PSKH1: variants seen among roughly 807,000 people sequenced by gnomAD.
PSKH1 encodes the protein protein serine kinase H1, also known as serine/threonine-protein kinase H1.
PSKH1 carries 12 observed loss-of-function variants against 26.7 expected under a neutral mutation model. That is an observed-to-expected ratio of 0.45 (90% confidence interval 0.29 to 0.73). The LOEUF (loss-of-function observed/expected upper bound fraction) is 0.73, where lower values mean the gene tolerates loss of function less well. Among genes scored for constraint, PSKH1 ranks in the 30% least tolerant of loss-of-function variants. The pLI is 0.11. For missense variants in PSKH1, 431 were observed against 595.2 expected (o/e 0.72, Z 2.87); for synonymous variants, 213 against 234.3 (o/e 0.91, Z 0.83).
At position 67,902,270 on chromosome 16, in the gene PSKH1, AAAG is replaced by A. The variant is rs544603646; in HGVS notation, c.-70-6407_-70-6405del. Among the ~76,000 whole-genome samples, 626 of 152,074 alleles carry A rather than the reference AAAG, an allele frequency of 4.1e-3. 11 individuals are homozygous for A. The highest frequency in any genetic ancestry group is 0.015 in the African/African-American group (610 of 41,432). On this transcript the variant is annotated intron_variant, in intron 1 of 2. Transcript: ENST00000291041. ...GCGAGACTCCATCTCAAAAAAAAAA[AAAG>A]AAATAAAAATGAATCGAAAAGTTAG... is the stretch of plus-strand genomic sequence containing the variant.
chr16:67,926,361 A>T (rs2058216374), intron 2 of PSKH1, among the ~76,000 whole-genome samples: 1 of 152,214 alleles, frequency 6.6e-6, no homozygotes, highest in Admixed American at 6.5e-5. Context: ...AGCACCAGGC[A>T]CGGGCTCATC....
rs144509198 is a variant in PSKH1, at chr16:67,908,946, C to T, written c.197C>T (p.Pro66Leu). The change falls in exon 2 of 3, where the codon CCG (proline) becomes CTG (leucine). Residue 66 changes from proline to leucine, a missense_variant. By Grantham distance (98) the Pro-to-Leu change is moderately conservative. Transcript: ENST00000291041. Reference protein sequence around the residue: ...SQYAHPCPGPPTAGHTEPPSE... With the variant: ...SQYAHPCPGPLTAGHTEPPSE... ...TATGCACACCCCTGCCCCGGTCCCC[C>T]GACTGCTGGCCACACGGAGCCTCCC... 2.5e-4 allele frequency: 397 copies of T among 1,613,730 alleles called. 1 individual carries two copies. The highest frequency in any genetic ancestry group is 3.2e-4 in the Non-Finnish European group (372 of 1,179,846).
intron 1 of PSKH1, chr16:67,903,105 T>C (rs1231841693): frequency 6.6e-6 from 1 of 152,196 alleles, no homozygotes; most frequent in Non-Finnish European, 1.5e-5. Flanking sequence ...GAGGAATCTT[T>C]TCCTCTTATG....
Position 67,909,608 on chromosome 16 carries a change from G to A in PSKH1, c.859G>A (p.Ala287Thr). 6.2e-7 allele frequency: 1 copy of A among 1,614,000 alleles called. No individual in the cohort carries two copies. The highest frequency in any genetic ancestry group is 1.1e-5 in the South Asian group (1 of 91,086). Residue 287 changes from alanine to threonine, a missense_variant, in exon 2 of 3, where the codon GCC (alanine) becomes ACC (threonine). Coordinates refer to ENST00000291041, the MANE Select transcript of PSKH1 (RefSeq NM_006742.3). The surrounding 1 kb of genome is among the most constrained non-coding windows in gnomAD (Gnocchi z 7.8). ...SVDMWALGVI[A>T]YILLSGTMPF... ...GGACATGTGGGCGCTGGGCGTCATT[G>A]CCTACATCCTACTCAGTGGCACCAT...
intron 1 of PSKH1, among the ~76,000 whole-genome samples, chr16:67,895,424 T>TC (rs57210619): frequency 2.0e-5 from 3 of 151,446 alleles, no homozygotes; most frequent in African/African-American, 7.3e-5. Context: ...TTTTTTTTTT[T>TC]CTGAGATGGA....
In PSKH1 at chr16:67,909,785, G is replaced by A. The variant is rs773157509; in HGVS notation, c.957+79G>A. The A allele has an allele frequency of 2.8e-5, 37 of 1,343,362 alleles. No individual in the cohort carries two copies. The Admixed American group carries it at 6.0e-4, about 22-fold the overall frequency. 83.2% of individuals were successfully genotyped at this position (1,343,362 alleles called of 1,614,324 possible). A position where few individuals can be genotyped will look rare whatever the true frequency, so the allele number is the denominator to read the frequency against. ...GTATATCCTGCAGCTCTCAGTCAGA[G>A]GTATGTCCTCAGGGCCATGCTCGTG... is the stretch of plus-strand genomic sequence containing the variant. On this transcript the variant is annotated intron_variant, in intron 2 of 2. Transcript: ENST00000291041. This position sits in a 1 kb window ranked among gnomAD's most constrained non-coding sequence, Gnocchi z 7.8.
In PSKH1 at chr16:67,924,568, A is replaced by C. The variant is rs529317452; in HGVS notation, c.958-2757A>C. Among the ~76,000 whole-genome samples the C allele has an allele frequency of 5.9e-5, 9 of 152,334 alleles. No homozygotes were observed. The South Asian group carries it at 1.7e-3, about 28-fold the overall frequency. ...TGTGAAGTGGTGAAACCTCCAGTCC[A>C]TCCATGTTCAGGCTCCTGGCCTCTG... On this transcript the variant is annotated intron_variant, in intron 2 of 2. Transcript: ENST00000291041.
At chr16:67,910,115 T>C in intron 2 of PSKH1, 1 of 368,566 alleles carries the variant, frequency 2.7e-6, no homozygotes, top group East Asian at 4.1e-5. Context: ...GTTTTTTTTT[T>C]AATCCACTGA....
intron 1 of PSKH1, among the ~76,000 whole-genome samples, chr16:67,901,201 G>T (rs1195461558): frequency 6.6e-6 from 1 of 152,058 alleles, no homozygotes; most frequent in East Asian, 1.9e-4. Flanking sequence ...GGATGGTGGA[G>T]TACCCGCATC....
In PSKH1 at chr16:67,908,737, C is replaced by G. The variant is rs1434752154; in HGVS notation, c.-13C>G. ...CTGCCAGCCTCGCTGGAGAGGATGC[C>G]CTCGTGTCCGTGATGGGCTGTGGGA... On this transcript the variant is annotated 5_prime_UTR_variant, in exon 2 of 3. Transcript: ENST00000291041. 2.6e-6 allele frequency: 4 copies of G among 1,562,978 alleles called. No homozygotes were observed. The highest frequency in any genetic ancestry group is 3.5e-6 in the Non-Finnish European group (4 of 1,150,548).
At chr16:67,913,259 G>A (rs1481555983) in intron 2 of PSKH1, among the ~76,000 whole-genome samples, 5 of 150,852 alleles carry the variant, frequency 3.3e-5, no homozygotes, top group Middle Eastern at 3.4e-3. Flanking sequence ...TGATTCTCCC[G>A]CCTCAGCCTC....
chr16:67,920,079 G>A (rs991673735), intron 2 of PSKH1, among the ~76,000 whole-genome samples: 1 of 152,130 alleles, frequency 6.6e-6, no homozygotes, highest in African/African-American at 2.4e-5. Flanking sequence ...GCAGGGTGTG[G>A]TGGCTTGCAC....
chr16:67,925,842 G>A (rs937483371), intron 2 of PSKH1, among the ~76,000 whole-genome samples: 2 of 152,152 alleles, frequency 1.3e-5, no homozygotes, highest in African/African-American at 2.4e-5. Context: ...CGGTGGAAGC[G>A]TGTTCTCCCT....
intron 1 of PSKH1, among the ~76,000 whole-genome samples, chr16:67,904,385 T>C (rs2058150135): frequency 6.6e-5 from 10 of 151,932 alleles, no homozygotes; most frequent in Admixed American, 6.6e-4. Flanking sequence ...TGTATTTTTT[T>C]GGTAGAGATG....
chr16:67,921,208 G>T (rs1467909004), intron 2 of PSKH1, among the ~76,000 whole-genome samples: 1 of 152,008 alleles, frequency 6.6e-6, no homozygotes, highest in Non-Finnish European at 1.5e-5. Flanking sequence ...AACCCAGGAG[G>T]TAGAGTTTGC....
In PSKH1 at chr16:67,927,806, C is replaced by A; in HGVS notation, c.*164C>A. The A allele has an allele frequency of 4.7e-6, 4 of 848,150 alleles. No homozygotes were observed. The highest frequency in any genetic ancestry group is 7.1e-6 in the Non-Finnish European group (4 of 562,612). The allele number at this position is 848,150 out of a possible 1,614,324, so 52.5% of individuals were successfully genotyped here. A position where few individuals can be genotyped will look rare whatever the true frequency, so the allele number is the denominator to read the frequency against. The stretch of plus-strand genomic sequence containing the variant: ...GTGCCTTCAGCAGCCCCTGTCCTCA[C>A]CATGGGCCTGGGCCAGGTGTGACAG... On this transcript the variant is annotated 3_prime_UTR_variant, in exon 3 of 3. Coordinates refer to ENST00000291041, the MANE Select transcript of PSKH1 (RefSeq NM_006742.3). The surrounding 1 kb of genome is among the most constrained non-coding windows in gnomAD (Gnocchi z 5.5).
chr16:67,922,948 G>A (rs918710767), intron 2 of PSKH1, among the ~76,000 whole-genome samples: 5 of 152,238 alleles, frequency 3.3e-5, no homozygotes, highest in Admixed American at 1.3e-4. Context: ...GAGAGCTGGC[G>A]CTGTTCTTTG....
chr16:67,902,452 G>A (rs1315102117), intron 1 of PSKH1, among the ~76,000 whole-genome samples: 1 of 151,826 alleles, frequency 6.6e-6, no homozygotes, highest in Non-Finnish European at 1.5e-5. Flanking sequence ...GTGCCATCAC[G>A]TCCGGGGCTA....
intron 2 of PSKH1, among the ~76,000 whole-genome samples, chr16:67,910,474 A>C (rs1177045078): frequency 6.6e-6 from 1 of 152,176 alleles, no homozygotes; most frequent in Non-Finnish European, 1.5e-5. Flanking sequence ...TTTTTTTAGA[A>C]GAGAAACCAG....
Sources: allele counts gnomAD v4.1 joint callset (sites outside exome capture counted in the v4.1 genomes callset), GRCh38; gene constraint gnomAD v4.1.1; non-coding constraint Gnocchi (gnomAD v3.1); transcripts MANE v1.5; gene names NCBI Gene and HGNC (gene_info 2026-07-23, HGNC 2026-07-21).